Variants in THSD4 observed in about 807,000 individuals in gnomAD.
THSD4 encodes the protein thrombospondin type-1 domain-containing protein 4.
Under a neutral mutation model 119.0 loss-of-function variants are expected in THSD4, and 69 were observed. That is an observed-to-expected ratio of 0.58 (90% CI 0.48 to 0.71). The LOEUF is 0.71. THSD4 is among the 30% of genes least tolerant of loss of function. The probability of loss-of-function intolerance (pLI) is 0.00; values close to 1 mark genes in which losing one functional copy is unlikely to be tolerated. For synonymous variants in THSD4, 524 were observed against 540.4 expected (o/e 0.97, Z 0.42); for missense variants, 1,393 against 1,391.1 (o/e 1.00, Z -0.02).
rs371747816 is a variant in THSD4 at position 71,548,857 on chromosome 15, C to T, written c.1153-111673C>T. On this transcript the variant is annotated intron_variant, in intron 7 of 17. Transcript: ENST00000261862. ...CTCATATGGAAAATATTTCTATCAC[C>T]GCTGCATGCACATATGGTCTGGGGA... Among the ~76,000 whole-genome samples, 255 of 152,280 alleles carry T rather than the reference C, an allele frequency of 1.7e-3. 15 individuals are homozygous for T. The South Asian group carries it at 0.052, about 31-fold the overall frequency.
At chr15:71,181,122 T>C (rs1407681870) in intron 3 of THSD4, among the ~76,000 whole-genome samples, 1 of 152,186 alleles carries the variant, frequency 6.6e-6, no homozygotes, top group Non-Finnish European at 1.5e-5. Context: ...CCAGAACCCC[T>C]ACAGAATTGG....
intron 3 of THSD4, among the ~76,000 whole-genome samples, chr15:71,205,771 A>G (rs1419086610): frequency 6.6e-6 from 1 of 151,950 alleles, no homozygotes; most frequent in Non-Finnish European, 1.5e-5. Context: ...CAGAGTCTAG[A>G]TAGTTGATCA....
chr15:71,665,880 G>T (rs1461720438), intron 8 of THSD4, among the ~76,000 whole-genome samples: 1 of 152,130 alleles, frequency 6.6e-6, no homozygotes, highest in Non-Finnish European at 1.5e-5. Context: ...TTTTGTACCA[G>T]TACCACTCTG....
chr15:71,139,947 A>T (rs1321297471), intron 1 of THSD4, among the ~76,000 whole-genome samples: 1 of 152,242 alleles, frequency 6.6e-6, no homozygotes, highest in Non-Finnish European at 1.5e-5. Flanking sequence ...ACTACGTTGC[A>T]ACCAACCCGC....
intron 7 of THSD4, among the ~76,000 whole-genome samples, chr15:71,492,146 G>A (rs1419950902): frequency 1.3e-5 from 2 of 151,828 alleles, no homozygotes; most frequent in African/African-American, 4.8e-5. Context: ...TTTTACACTT[G>A]ATGTTTTGAC....
intron 6 of THSD4, among the ~76,000 whole-genome samples, chr15:71,344,007 C>T (rs2045618373): frequency 6.6e-6 from 1 of 150,530 alleles, no homozygotes. Context: ...GTGGGGGTTA[C>T]AGGCGTGAGC....
intron 7 of THSD4, among the ~76,000 whole-genome samples, chr15:71,481,432 G>A (rs919532846): frequency 9.2e-5 from 14 of 152,210 alleles, no homozygotes; most frequent in African/African-American, 3.4e-4. Context: ...GAAAATACAA[G>A]TAGATTGATG....
At chr15:71,412,538 T>G (rs1182540734) in intron 7 of THSD4, among the ~76,000 whole-genome samples, 1 of 152,178 alleles carries the variant, frequency 6.6e-6, no homozygotes, top group Admixed American at 6.5e-5. Flanking sequence ...GAGCTAAGAT[T>G]TAGCAGGTAA....
At chr15:71,233,146 T>C (rs2044074887) in intron 4 of THSD4, among the ~76,000 whole-genome samples, 1 of 152,224 alleles carries the variant, frequency 6.6e-6, no homozygotes, top group Non-Finnish European at 1.5e-5. Context: ...CTGTTCTTGA[T>C]GAGACAGTTC....
chr15:71,604,835 A>AG (rs1440786356), intron 7 of THSD4, among the ~76,000 whole-genome samples: 6 of 152,070 alleles, frequency 3.9e-5, no homozygotes, highest in Non-Finnish European at 8.8e-5. Context: ...AAACAAAAAA[A>AG]AAACCTGTCA....
chr15:71,412,654 A>C (rs2046705573), intron 7 of THSD4, among the ~76,000 whole-genome samples: 1 of 152,164 alleles, frequency 6.6e-6, no homozygotes, highest in Non-Finnish European at 1.5e-5. Context: ...GACACCTGGA[A>C]GTTCCTATTA....
intron 17 of THSD4, among the ~76,000 whole-genome samples, chr15:71,775,578 G>C (rs1204201439): frequency 6.6e-6 from 1 of 152,146 alleles, no homozygotes; most frequent in African/African-American, 2.4e-5. Flanking sequence ...AAGTGTGGCA[G>C]CATGTGCCTG....
At chr15:71,609,676 C>A (rs914199437) in intron 7 of THSD4, among the ~76,000 whole-genome samples, 2 of 151,978 alleles carry the variant, frequency 1.3e-5, no homozygotes, top group Non-Finnish European at 2.9e-5. Context: ...CATGGTGAAA[C>A]CCCGTCTCTA....
At chr15:71,240,838 C>CAT (rs10692341) in intron 4 of THSD4, among the ~76,000 whole-genome samples, 20,256 of 136,734 alleles carry the variant, frequency 0.15, 1,549 homozygotes, top group Non-Finnish European at 0.19. Context: ...CACACACACA[C>CAT]ATATATACAT....
chr15:71,456,131 C>T (rs983744937), intron 7 of THSD4, among the ~76,000 whole-genome samples: 6 of 152,200 alleles, frequency 3.9e-5, no homozygotes, highest in African/African-American at 1.2e-4. Flanking sequence ...TTCTCTTCCT[C>T]TCTTTTCCTC....
chr15:71,245,656 T>C (rs914165651), intron 5 of THSD4, among the ~76,000 whole-genome samples: 6 of 152,344 alleles, frequency 3.9e-5, no homozygotes, highest in African/African-American at 1.4e-4. Flanking sequence ...GTAAAAGTTC[T>C]ATACCAGAGA....
chr15:71,652,390 C>T (rs1226347347), intron 7 of THSD4, among the ~76,000 whole-genome samples: 3 of 152,134 alleles, frequency 2.0e-5, no homozygotes, highest in African/African-American at 7.2e-5. Flanking sequence ...CTAGAGGTTT[C>T]TAGTATTCTA....
intron 7 of THSD4, among the ~76,000 whole-genome samples, chr15:71,600,765 A>G (rs950214642): frequency 2.0e-5 from 3 of 148,154 alleles, no homozygotes; most frequent in African/African-American, 7.6e-5. Context: ...TTTTTGAGAC[A>G]GAGTCTTGCT....
At chr15:71,617,885 A>G (rs1241848687) in intron 7 of THSD4, among the ~76,000 whole-genome samples, 2 of 152,114 alleles carry the variant, frequency 1.3e-5, no homozygotes, top group South Asian at 2.1e-4. Flanking sequence ...TATGAAAACA[A>G]TTTTCCAGTT....
Sources: gnomAD v4.1 joint callset for allele counts (sites outside exome capture counted in the v4.1 genomes callset) on GRCh38, gnomAD v4.1.1 for gene constraint, MANE v1.5 for transcripts, NCBI Gene and HGNC (gene_info 2026-07-23, HGNC 2026-07-21) for gene names.